CFAP99: variants seen among roughly 807,000 people sequenced by gnomAD.
CFAP99 encodes the protein cilia and flagella associated protein 99.
Under a neutral mutation model 82.7 loss-of-function variants are expected in CFAP99, and 84 were observed. The observed-to-expected ratio is 1.02, with a 90% CI of 0.85 to 1.22. The LOEUF is 1.22. Among genes scored for constraint, CFAP99 ranks in the 50% most tolerant of loss-of-function variants. CFAP99 has a pLI of 0.00. For synonymous variants in CFAP99, 456 were observed against 429.5 expected (o/e 1.06, Z -0.76); for missense variants, 1,059 against 983.5 (o/e 1.08, Z -1.03).
rs972783966 is a variant in CFAP99, at chr4:2,449,837, G to A, written c.723+87G>A. 6.5e-6 allele frequency: 10 copies of A among 1,528,358 alleles called. No homozygotes were observed. The African/African-American group carries it at 9.6e-5, about 15-fold the overall frequency. The allele number at this position is 1,528,358 out of a possible 1,614,324, so 94.7% of individuals were successfully genotyped here. On this transcript the variant is annotated intron_variant, in intron 7 of 14. Coordinates refer to ENST00000635017, the Ensembl canonical transcript of CFAP99. ...GTGGGGTGGGGAGAGGGAAGAGGAG[G>A]CAAGAGGGGGAGGCTGGGTGGAAGT...
At chr4:2,433,071 G>A (rs1465818995) in intron 2 of CFAP99, among the ~76,000 whole-genome samples, 1 of 151,540 alleles carries the variant, frequency 6.6e-6, no homozygotes, top group Non-Finnish European at 1.5e-5. Flanking sequence ...GGACCTGGCC[G>A]TGGGCCCGGC....
intron 13 of CFAP99, 151 bp from the exon 14 acceptor site, chr4:2,459,886 C>A (rs1734573752): frequency 7.2e-6 from 5 of 692,452 alleles, no homozygotes; most frequent in Non-Finnish European, 1.2e-5. Context: ...GGAGCCCAGG[C>A]TGGAGAGGCT....
At chr4:2,447,395 T>C (rs1369905579) in intron 6 of CFAP99, among the ~76,000 whole-genome samples, 3 of 150,490 alleles carry the variant, frequency 2.0e-5, no homozygotes, top group African/African-American at 7.4e-5. Flanking sequence ...GATGATCAAA[T>C]GGTAGGATGG....
chr4:2,445,442 A>G, intron 6 of CFAP99, 134 bp downstream of exon 6: 1 of 806,582 alleles, frequency 1.2e-6, no homozygotes, highest in Non-Finnish European at 1.7e-6. Context: ...GACCAGGAAC[A>G]CTAAATGACC....
At chr4:2,456,427 G>A (rs959007208) in intron 11 of CFAP99, among the ~76,000 whole-genome samples, 10 of 152,036 alleles carry the variant, frequency 6.6e-5, no homozygotes, top group African/African-American at 1.4e-4. Flanking sequence ...CTGTAGTCAC[G>A]GCACTTTGGG....
At chr4:2,435,054 G>T (rs1233707619) in intron 2 of CFAP99, among the ~76,000 whole-genome samples, 3 of 152,162 alleles carry the variant, frequency 2.0e-5, no homozygotes, top group Non-Finnish European at 4.4e-5. Context: ...CCAGCACTTT[G>T]GGAGGTCGAG....
In CFAP99 at chr4:2,450,219, C is replaced by T; in HGVS notation, c.795+214C>T. On this transcript the variant is annotated intron_variant, in intron 8 of 14. Coordinates refer to ENST00000635017, the Ensembl canonical transcript of CFAP99. Reference sequence around the variant, plus strand: ...CGGGTGTAGACGCGCACCCACATCCCCCAGGAGGAAGCTCACGGGAAAGCA... The same window carrying T: ...CGGGTGTAGACGCGCACCCACATCCTCCAGGAGGAAGCTCACGGGAAAGCA... The T allele has an allele frequency of 5.1e-6, 3 of 592,700 alleles. No individual in the cohort carries two copies. The East Asian group carries it at 8.4e-5, about 17-fold the overall frequency. The allele number at this position is 592,700 out of a possible 1,614,324, so 36.7% of individuals were successfully genotyped here. A position where few individuals can be genotyped will look rare whatever the true frequency, so the allele number is the denominator to read the frequency against.
rs544538597 is a variant in CFAP99, at chr4:2,446,132, C to T, written c.642+824C>T. ...GCCCCAGAATCCTGCCCCACTCCCACCATCCTTCAGGTCTCATTAAAATCC... is the reference window on the plus strand; with the variant it reads ...GCCCCAGAATCCTGCCCCACTCCCATCATCCTTCAGGTCTCATTAAAATCC... On this transcript the variant is annotated intron_variant, in intron 6 of 14. Transcript: ENST00000635017. This position sits in a 1 kb window ranked among gnomAD's most constrained non-coding sequence, Gnocchi z 5.0. Among the ~76,000 whole-genome samples the T allele has an allele frequency of 2.6e-4, 39 of 152,320 alleles. No individual in the cohort carries two copies. The highest frequency in any genetic ancestry group is 8.7e-4 in the African/African-American group (36 of 41,564).
At chr4:2,452,598 T>A (rs1734331380) in intron 11 of CFAP99, among the ~76,000 whole-genome samples, 1 of 152,174 alleles carries the variant, frequency 6.6e-6, no homozygotes, top group African/African-American at 2.4e-5. Flanking sequence ...GCGGGGAGCC[T>A]CAGCCCCAGG....
chr4:2,429,231 G>A (rs566135090), intron 2 of CFAP99: 2 of 152,362 alleles, frequency 1.3e-5, no homozygotes, highest in Admixed American at 6.5e-5. Flanking sequence ...GGAAAGGGGT[G>A]TGTGTTTACC....
chr4:2,427,920 C>T (rs1263035633), intron 2 of CFAP99: 1 of 152,558 alleles, frequency 6.6e-6, no homozygotes. Flanking sequence ...GAAGAGGCGC[C>T]TCCTCCGGCT....
Position 2,453,880 on chromosome 4 carries a change from C to T in CFAP99, c.1161+1534C>T, listed in dbSNP as rs539717761. Among the ~76,000 whole-genome samples the T allele has an allele frequency of 3.9e-3, 587 of 150,978 alleles. 3 individuals carry two copies. Among genetic ancestry groups the T allele is most frequent in the Admixed American group, 0.012 (180 of 15,082 alleles). ...CCAGGCTGGAGTGCGGTGGTGTGAT[C>T]TCAGCTCACTGCAACTTCCGCCTCC... On this transcript the variant is annotated intron_variant, in intron 11 of 14. Coordinates refer to ENST00000635017, the Ensembl canonical transcript of CFAP99.
Position 2,436,850 on chromosome 4 carries a change from C to T in CFAP99, c.112-24C>T, listed in dbSNP as rs1359490601. ...CTTTCCTCCCGGCCCAGCCAGGGCC[C>T]CCCACCGGCTGTCTCTCTTCCAGGC... On this transcript the variant is annotated intron_variant, in intron 2 of 14. Transcript: ENST00000635017. The T allele has an allele frequency of 3.9e-6, 6 of 1,534,956 alleles. No individual in the cohort carries two copies. The South Asian group carries it at 4.8e-5, about 12-fold the overall frequency.
rs138670768 is a variant in CFAP99, at chr4:2,432,192, C to A, written c.112-4682C>A. On this transcript the variant is annotated intron_variant, in intron 2 of 14. Coordinates refer to ENST00000635017, the Ensembl canonical transcript of CFAP99. ...GCCTCATAGTCACTAAATGGCTGCC[C>A]TACCTCCAGCATTGCATCTATATCC... is the stretch of plus-strand genomic sequence containing the variant. 6.1e-3 allele frequency among the ~76,000 whole-genome samples: 929 copies of A among 152,270 alleles called. 4 individuals are homozygous for A. Among genetic ancestry groups the A allele is most frequent in the Middle Eastern group, 0.02 (6 of 294 alleles).
chr4:2,432,912 C>T (rs1733826931), intron 2 of CFAP99, among the ~76,000 whole-genome samples: 1 of 152,234 alleles, frequency 6.6e-6, no homozygotes, highest in African/African-American at 2.4e-5. Flanking sequence ...GGCCTAGGCC[C>T]ATCTCTGCTG....
rs374701734 is a variant in CFAP99, at chr4:2,420,087, A to G, written c.-18+994A>G. On this transcript the variant is annotated intron_variant, in intron 1 of 14. Coordinates refer to ENST00000635017, the Ensembl canonical transcript of CFAP99. ...GTGACACAGCATCCTCACTTGGCTG[A>G]AACAGATCCCACTGTCCACTTCTCC... Among the ~76,000 whole-genome samples the G allele has an allele frequency of 4.6e-5, 7 of 151,876 alleles. No individual in the cohort carries two copies. In the South Asian group the frequency reaches 1.5e-3, roughly 32 times the overall value.
At chr4:2,427,837 C>T (rs895258803) in intron 2 of CFAP99, 5 of 152,304 alleles carry the variant, frequency 3.3e-5, no homozygotes, top group Non-Finnish European at 7.3e-5. Context: ...ACAAAGGCTA[C>T]AGGGGTTGGG....
intron 6 of CFAP99, 133 bp from the exon 7 acceptor site, chr4:2,449,537 G>C: frequency 2.7e-6 from 2 of 753,914 alleles, no homozygotes; most frequent in South Asian, 3.3e-5. Flanking sequence ...CTCCAGCCCT[G>C]TTTCTCCTCC....
At chr4:2,450,389 C>G in intron 8 of CFAP99, 1 of 305,208 alleles carries the variant, frequency 3.3e-6, no homozygotes, top group Non-Finnish European at 6.3e-6. Flanking sequence ...TGGCGGGGCT[C>G]ACTCAGGAGC....
Sources: gnomAD v4.1 joint callset for allele counts (sites outside exome capture counted in the v4.1 genomes callset) on GRCh38, gnomAD v4.1.1 for gene constraint, Gnocchi (gnomAD v3.1) non-coding constraint, MANE v1.5 for transcripts, NCBI Gene and HGNC (gene_info 2026-07-23, HGNC 2026-07-21) for gene names.